The following KCNT1 variants were observed in gnomAD, a reference collection of about 807,000 sequenced individuals.
KCNT1 encodes potassium sodium-activated channel subfamily T member 1, also known as potassium channel subfamily T member 1.
In KCNT1, 78 loss-of-function variants were observed where a neutral mutation model predicts 147.8. The observed-to-expected ratio is 0.53, with a 90% CI of 0.44 to 0.64. The LOEUF (loss-of-function observed/expected upper bound fraction) is 0.64, where lower values mean the gene tolerates loss of function less well. Among genes scored for constraint, KCNT1 ranks in the 30% least tolerant of loss-of-function variants. The pLI is 0.00. For missense variants in KCNT1, 1,419 were observed against 1,750.3 expected (o/e 0.81, Z 3.38); for synonymous variants, 867 against 748.8 (o/e 1.16, Z -2.58).
intron 24 of KCNT1, among the ~76,000 whole-genome samples, chr9:135,781,515 G>A (rs557954335): frequency 9.9e-5 from 15 of 152,262 alleles, no homozygotes; most frequent in East Asian, 3.9e-4. Context: ...GCCAGCATAC[G>A]GTGACCTGCT....
intron 27 of KCNT1, 118 bp from the exon 28 acceptor site, chr9:135,785,192 C>T: frequency 1.4e-6 from 2 of 1,465,520 alleles, no homozygotes; most frequent in South Asian, 1.3e-5. Flanking sequence ...GCAGTCCACA[C>T]AGCAGCAGGC....
intron 2 of KCNT1, among the ~76,000 whole-genome samples, chr9:135,728,459 C>T (rs538665122): frequency 2.2e-4 from 34 of 152,334 alleles, no homozygotes; most frequent in Middle Eastern, 3.4e-3. Context: ...AGCCTCACTG[C>T]GGATGTAACA....
At chr9:135,773,949 G>A (rs1262116495) in intron 19 of KCNT1, among the ~76,000 whole-genome samples, 1 of 152,194 alleles carries the variant, frequency 6.6e-6, no homozygotes, top group Non-Finnish European at 1.5e-5. Flanking sequence ...GGTTTTGCAT[G>A]TGGCTGAAAA....
At chr9:135,764,867 T>C (rs1370179208) in intron 11 of KCNT1, among the ~76,000 whole-genome samples, 164 bp from the exon 12 acceptor site, 3 of 152,226 alleles carry the variant, frequency 2.0e-5, no homozygotes, top group East Asian at 3.9e-4. Context: ...TATCAGCATC[T>C]ACAGTTTCCA....
chr9:135,791,590 G>C, intron 29 of KCNT1: 1 of 560,112 alleles, frequency 1.8e-6, no homozygotes, highest in Non-Finnish European at 3.2e-6. Context: ...TGCCCTCCTG[G>C]CTGTCCCCTG....
Position 135,704,875 on chromosome 9 carries a change from G to A in KCNT1, c.110+2507G>A, listed in dbSNP as rs149310225. ...CCCAAGATACCGCCCAGCACTGGCC[G>A]GCAGGAGGGACGGCTCAGGCCACAG... On this transcript the variant is annotated intron_variant, in intron 1 of 30. Transcript: ENST00000371757. Among the ~76,000 whole-genome samples the A allele has an allele frequency of 5.5e-3, 843 of 152,350 alleles. 7 individuals carry two copies. Among genetic ancestry groups the A allele is most frequent in the African/African-American group, 0.019 (784 of 41,580 alleles).
rs753929504 is a variant in KCNT1 at position 135,784,750 on chromosome 9, C to T, written c.3028-11C>T. On this transcript the variant is annotated splice_polypyrimidine_tract_variant and intron_variant, in intron 26 of 30. Transcript: ENST00000371757. ...ACCTGCCCCAGCCAACTCAGGGTTCCCACCCTGCAGATGAAAATCACCGAG... is the reference window on the plus strand; with the variant it reads ...ACCTGCCCCAGCCAACTCAGGGTTCTCACCCTGCAGATGAAAATCACCGAG... 1.9e-6 allele frequency: 3 copies of T among 1,612,114 alleles called. No individual in the cohort carries two copies. The South Asian group carries it at 3.3e-5, about 18-fold the overall frequency.
chr9:135,771,393 T>C (rs1005292411), intron 18 of KCNT1, among the ~76,000 whole-genome samples: 4 of 152,198 alleles, frequency 2.6e-5, no homozygotes, highest in Non-Finnish European at 5.9e-5. Flanking sequence ...AGGTGGAGTC[T>C]CTCTGGGCCT....
At chr9:135,759,571 G>C in intron 10 of KCNT1, 108 bp from the exon 11 acceptor site, 2 of 1,247,010 alleles carry the variant, frequency 1.6e-6, no homozygotes, top group Non-Finnish European at 2.2e-6. Context: ...GTGATGCACA[G>C]CTCAGTCTCC....
intron 1 of KCNT1, among the ~76,000 whole-genome samples, chr9:135,708,162 C>G (rs552997305): frequency 3.6e-4 from 55 of 152,248 alleles, no homozygotes; most frequent in Non-Finnish European, 4.1e-4. Flanking sequence ...GGGGGACTCT[C>G]CTGGATGCAG....
intron 2 of KCNT1, among the ~76,000 whole-genome samples, chr9:135,723,276 A>T (rs1203587962): frequency 6.6e-6 from 1 of 152,252 alleles, no homozygotes; most frequent in Admixed American, 6.5e-5. Context: ...CCCCTCCACC[A>T]GGTCCCAAAA....
intron 2 of KCNT1, among the ~76,000 whole-genome samples, chr9:135,726,759 CCCTCTCTCTCTCT>C: frequency 1.8e-5 from 2 of 110,088 alleles, no homozygotes; most frequent in Non-Finnish European, 4.0e-5. Context: ...CTCCCTCTCT[CCCTCTCTCTCTCT>C]TCCTCTCTCT....
intron 2 of KCNT1, among the ~76,000 whole-genome samples, chr9:135,724,245 G>C (rs1434436320): frequency 1.3e-5 from 2 of 152,364 alleles, no homozygotes; most frequent in Non-Finnish European, 1.5e-5. Flanking sequence ...TTCATCCCCG[G>C]AGGCCAGGCT....
At chr9:135,705,137 G>A (rs529475560) in intron 1 of KCNT1, among the ~76,000 whole-genome samples, 1 of 152,348 alleles carries the variant, frequency 6.6e-6, no homozygotes, top group South Asian at 2.1e-4. Context: ...CGAGCCTGGT[G>A]TGGCAGTAGT....
chr9:135,765,200 G>T lies in KCNT1; in HGVS notation c.1200+5G>T, dbSNP rs748511115. On this transcript the variant is annotated splice_donor_5th_base_variant and intron_variant, in intron 12 of 30. Transcript: ENST00000371757. ...TACGCCCACCCCCGGCTCCAGGTGA[G>T]GCCCCTTACCGTGGCCCAGCAGACG... 6.2e-7 allele frequency: 1 copy of T among 1,609,008 alleles called. No homozygotes were observed. Among genetic ancestry groups the T allele is most frequent in the Non-Finnish European group, 8.5e-7 (1 of 1,176,428 alleles).
chr9:135,742,634 G>A, intron 2 of KCNT1: 1 of 668,730 alleles, frequency 1.5e-6, no homozygotes. Flanking sequence ...GCGTGTCTGT[G>A]CCCCGCCTGG....
chr9:135,755,316 C>T (rs1243646270), intron 6 of KCNT1, 147 bp downstream of exon 6: 2 of 595,286 alleles, frequency 3.4e-6, no homozygotes, highest in African/African-American at 1.9e-5. Flanking sequence ...CAAACCCAGG[C>T]TCAGTGAGCA....
rs982735764 is a variant in KCNT1, at chr9:135,714,365, A to C, written c.111-212A>C. On this transcript the variant is annotated intron_variant, in intron 1 of 30. Transcript: ENST00000371757. This position sits in a 1 kb window ranked among gnomAD's most constrained non-coding sequence, Gnocchi z 6.2. ...GGAGCCCCGCCCCCTGCCCCTGCGC[A>C]GCCCCCGCCCTAGCCCCAGCCCGGC... 1.1e-4 allele frequency: 17 copies of C among 152,778 alleles called. No individual in the cohort carries two copies. Among genetic ancestry groups the C allele is most frequent in the African/African-American group, 3.9e-4 (16 of 41,132 alleles). The allele number at this position is 152,778 out of a possible 1,614,324, so 9.5% of individuals were successfully genotyped here.
chr9:135,752,325 C>T lies in KCNT1; in HGVS notation c.434+1284C>T. On this transcript the variant is annotated intron_variant, in intron 4 of 30. Transcript: ENST00000371757. This position sits in a 1 kb window ranked among gnomAD's most constrained non-coding sequence, Gnocchi z 5.1. ...ACCCCGTCACAAGGGGGCCTGGCAT[C>T]CCCAGGCCAGAGACTTTCCCTCTCC... is the stretch of plus-strand genomic sequence containing the variant. The T allele has an allele frequency of 2.2e-6, 1 of 456,038 alleles. No homozygotes were observed. The highest frequency in any genetic ancestry group is 1.6e-5 in the South Asian group (1 of 64,464). 28.2% of individuals were successfully genotyped at this position (456,038 alleles called of 1,614,324 possible).
Sources: gnomAD v4.1 joint callset for allele counts (sites outside exome capture counted in the v4.1 genomes callset) on GRCh38, gnomAD v4.1.1 for gene constraint, Gnocchi (gnomAD v3.1) non-coding constraint, MANE v1.5 for transcripts, NCBI Gene and HGNC (gene_info 2026-07-23, HGNC 2026-07-21) for gene names.